SDK1: variants seen among roughly 807,000 people sequenced by gnomAD.
SDK1 encodes protein sidekick-1.
SDK1 carries 157 observed loss-of-function variants against 245.5 expected under a neutral mutation model. The observed-to-expected ratio is 0.64, with a 90% CI of 0.56 to 0.73. The LOEUF is 0.73. Among genes scored for constraint, SDK1 ranks in the 30% least tolerant of loss-of-function variants. The probability of loss-of-function intolerance (pLI) is 0.00; values close to 1 mark genes in which losing one functional copy is unlikely to be tolerated. For synonymous variants in SDK1, 1,647 were observed against 1,278.5 expected (o/e 1.29, Z -6.15); for missense variants, 3,583 against 3,002.3 (o/e 1.19, Z -4.52).
chr7:4,165,838 G>C (rs559549352), intron 32 of SDK1, among the ~76,000 whole-genome samples: 4 of 152,044 alleles, frequency 2.6e-5, no homozygotes, highest in African/African-American at 9.6e-5. Flanking sequence ...CCAGGTTGGA[G>C]TGCAGTGGCG....
intron 4 of SDK1, among the ~76,000 whole-genome samples, chr7:3,749,350 A>G (rs563176138): frequency 6.6e-6 from 1 of 152,086 alleles, no homozygotes; most frequent in African/African-American, 2.4e-5. Context: ...CCCAGGCTGG[A>G]GTGCAATGGC....
chr7:3,819,396 C>T (rs1048882772), intron 4 of SDK1, among the ~76,000 whole-genome samples: 2 of 151,460 alleles, frequency 1.3e-5, no homozygotes, highest in African/African-American at 2.4e-5. Flanking sequence ...TAAATAATAT[C>T]GAGAATTCAT....
intron 5 of SDK1, among the ~76,000 whole-genome samples, chr7:3,950,112 T>C (rs1039791808): frequency 1.3e-5 from 2 of 152,194 alleles, no homozygotes; most frequent in Non-Finnish European, 2.9e-5. Flanking sequence ...ACAGTTTAAA[T>C]AAAGCCCCTC....
chr7:4,154,857 G>A (rs1372810262), intron 30 of SDK1, among the ~76,000 whole-genome samples: 1 of 152,084 alleles, frequency 6.6e-6, no homozygotes, highest in African/African-American at 2.4e-5. Flanking sequence ...GAGTTAGAAG[G>A]GTTACAGGAG....
intron 1 of SDK1, among the ~76,000 whole-genome samples, chr7:3,306,185 C>T (rs1779413282): frequency 6.6e-6 from 1 of 152,078 alleles, no homozygotes. Context: ...TTTAGATAAA[C>T]CTTATTTACG....
intron 4 of SDK1, among the ~76,000 whole-genome samples, chr7:3,809,669 G>T (rs1779336557): frequency 6.6e-6 from 1 of 152,168 alleles, no homozygotes; most frequent in African/African-American, 2.4e-5. Flanking sequence ...GCTATTATTT[G>T]CTTTTAAAGA....
intron 22 of SDK1, among the ~76,000 whole-genome samples, chr7:4,095,346 T>A (rs1320749837): frequency 6.6e-6 from 1 of 151,570 alleles, no homozygotes; most frequent in African/African-American, 2.4e-5. Context: ...CTTCCTCAGC[T>A]CCCCCACACC....
At chr7:3,944,401 G>T (rs1371432360) in intron 5 of SDK1, among the ~76,000 whole-genome samples, 1 of 152,198 alleles carries the variant, frequency 6.6e-6, no homozygotes, top group African/African-American at 2.4e-5. Context: ...TGGAACTGAG[G>T]CCTTATTCGT....
intron 4 of SDK1, among the ~76,000 whole-genome samples, chr7:3,790,613 C>T (rs1048600229): frequency 6.6e-6 from 1 of 152,090 alleles, no homozygotes; most frequent in Non-Finnish European, 1.5e-5. Flanking sequence ...TTCGAGATAA[C>T]CCTGACCAAC....
chr7:4,172,575 C>T (rs1781915289), intron 32 of SDK1, among the ~76,000 whole-genome samples: 1 of 152,146 alleles, frequency 6.6e-6, no homozygotes, highest in African/African-American at 2.4e-5. Context: ...GTTTGGATTG[C>T]AAGGATGTGT....
At chr7:3,493,117 A>T (rs1781914015) in intron 1 of SDK1, among the ~76,000 whole-genome samples, 1 of 151,758 alleles carries the variant, frequency 6.6e-6, no homozygotes, top group Admixed American at 6.6e-5. Flanking sequence ...AGCCTGGCTA[A>T]TTTTTTTGTA....
At chr7:3,421,058 ATT>A (rs112274032) in intron 1 of SDK1, among the ~76,000 whole-genome samples, 1 of 130,780 alleles carries the variant, frequency 7.6e-6, no homozygotes, top group African/African-American at 2.8e-5. Flanking sequence ...GCTTTTATCA[ATT>A]TTTTTTTTTT....
chr7:3,471,225 C>G (rs1223988587), intron 1 of SDK1, among the ~76,000 whole-genome samples: 1 of 152,082 alleles, frequency 6.6e-6, no homozygotes, highest in Non-Finnish European at 1.5e-5. Context: ...TCCAAGTGTC[C>G]TATTAATCCC....
At chr7:4,061,525 T>C (rs372390255) in intron 19 of SDK1, among the ~76,000 whole-genome samples, 11,039 of 150,766 alleles carry the variant, frequency 0.073, 791 homozygotes, top group African/African-American at 0.18. Flanking sequence ...CACTTTTACA[T>C]TGTTGGTGGG....
intron 28 of SDK1, 89 bp from the exon 29 acceptor site, chr7:4,145,633 C>G: frequency 3.4e-6 from 4 of 1,169,160 alleles, no homozygotes; most frequent in Non-Finnish European, 4.8e-6. Context: ...AGATGGCCTT[C>G]CAGGGGTCAG....
chr7:3,393,468 A>G (rs763576995), intron 1 of SDK1, among the ~76,000 whole-genome samples: 1 of 152,116 alleles, frequency 6.6e-6, no homozygotes, highest in South Asian at 2.1e-4. Context: ...TTCCTTTCCT[A>G]TAGCTATGTG....
At chr7:3,547,517 C>T (rs893269059) in intron 1 of SDK1, among the ~76,000 whole-genome samples, 3 of 152,068 alleles carry the variant, frequency 2.0e-5, no homozygotes, top group Non-Finnish European at 4.4e-5. Context: ...TTATTTTTCA[C>T]CAAAGAATAC....
At chr7:3,320,967 C>G (rs1026015187) in intron 1 of SDK1, among the ~76,000 whole-genome samples, 1 of 152,010 alleles carries the variant, frequency 6.6e-6, no homozygotes, top group Non-Finnish European at 1.5e-5. Context: ...TTGAATGTTG[C>G]CTGTATACTC....
At chr7:4,113,185 C>G (rs1179956601) in intron 23 of SDK1, 104 bp from the exon 24 acceptor site, 2 of 1,209,470 alleles carry the variant, frequency 1.7e-6, no homozygotes, top group Non-Finnish European at 2.3e-6. Context: ...GAGTAGACAC[C>G]TATCTGAGCC....
Sources: allele counts gnomAD v4.1 joint callset (sites outside exome capture counted in the v4.1 genomes callset), GRCh38; gene constraint gnomAD v4.1.1; transcripts MANE v1.5; gene names NCBI Gene and HGNC (gene_info 2026-07-23, HGNC 2026-07-21).